Variants in BAZ2B observed in about 807,000 individuals in gnomAD.
BAZ2B encodes the protein bromodomain adjacent to zinc finger domain 2B.
BAZ2B carries 91 observed loss-of-function variants against 246.0 expected under a neutral mutation model. The ratio of observed to expected loss-of-function variants is 0.37; its 90% CI spans 0.31 to 0.44. The LOEUF is 0.44. BAZ2B is among the 20% of genes least tolerant of loss of function. The probability of loss-of-function intolerance (pLI) is 1.00; values close to 1 mark genes in which losing one functional copy is unlikely to be tolerated. For synonymous variants in BAZ2B, 855 were observed against 860.0 expected (o/e 0.99, Z 0.10); for missense variants, 2,332 against 2,533.7 (o/e 0.92, Z 1.71).
intron 8 of BAZ2B, chr2:159,435,632 G>C (rs1285971453): frequency 6.6e-6 from 1 of 152,340 alleles, no homozygotes; most frequent in Non-Finnish European, 1.5e-5. Flanking sequence ...GGGATTACAG[G>C]CGTGAGCCAC....
intron 1 of BAZ2B, among the ~76,000 whole-genome samples, chr2:159,576,917 A>AAC (rs1391169747): frequency 5.2e-5 from 7 of 135,492 alleles, no homozygotes; most frequent in Non-Finnish European, 1.1e-4. Context: ...TGTCTCAAAA[A>AAC]AAAAAAAAAA....
chr2:159,704,247 G>A, the BAZ2B span, among the ~76,000 whole-genome samples: 3 of 152,318 alleles, frequency 2.0e-5, no homozygotes, highest in East Asian at 3.9e-4. Context: ...CAAAAGTACA[G>A]ATGAGGTGTT....
Position 159,385,386 on chromosome 2 carries a change from T to A in BAZ2B, c.3472-17A>T. ...TGTTTTAGCCTATAAAAGTTTGGCA[T>A]TTTTATCAGTATTACTCACAACCAT... On this transcript the variant is annotated splice_polypyrimidine_tract_variant and intron_variant, in intron 22 of 36. Transcript: ENST00000392783. The A allele has an allele frequency of 6.3e-7, 1 of 1,597,000 alleles. No individual in the cohort carries two copies. Among genetic ancestry groups the A allele is most frequent in the African/African-American group, 1.3e-5 (1 of 74,550 alleles).
At chr2:159,456,906 G>A (rs1204272780) in intron 3 of BAZ2B, among the ~76,000 whole-genome samples, 1 of 152,112 alleles carries the variant, frequency 6.6e-6, no homozygotes, top group Non-Finnish European at 1.5e-5. Flanking sequence ...TTATACTAGA[G>A]AAGGGAAATA....
intron 13 of BAZ2B, among the ~76,000 whole-genome samples, chr2:159,426,807 C>T (rs2070001755): frequency 6.6e-6 from 1 of 151,994 alleles, no homozygotes; most frequent in African/African-American, 2.4e-5. Context: ...TCAAAATAAA[C>T]CTCTTACAGA....
intron 2 of BAZ2B, among the ~76,000 whole-genome samples, chr2:159,505,860 G>C (rs1559641867): frequency 6.6e-6 from 1 of 152,120 alleles, no homozygotes; most frequent in Non-Finnish European, 1.5e-5. Flanking sequence ...GACAATGAAA[G>C]ACTTGAAAAA....
chr2:159,695,016 T>C, the BAZ2B span: 2 of 152,204 alleles, frequency 1.3e-5, no homozygotes, highest in East Asian at 1.9e-4. Context: ...GCCATATTAG[T>C]GTGTGTGAAT....
At chr2:159,432,701 A>T in intron 9 of BAZ2B, 56 bp downstream of exon 9, 1 of 1,550,108 alleles carries the variant, frequency 6.5e-7, no homozygotes, top group Non-Finnish European at 8.7e-7. Flanking sequence ...ACCCTTTAAA[A>T]TGTTTGGTTC....
chr2:159,438,805 T>C lies in BAZ2B; in HGVS notation c.901-110A>G, dbSNP rs549878493. 4.5e-6 allele frequency: 6 copies of C among 1,318,836 alleles called. No individual in the cohort carries two copies. In the South Asian group the frequency reaches 8.8e-5, roughly 19 times the overall value. 81.7% of individuals were successfully genotyped at this position (1,318,836 alleles called of 1,614,324 possible). A position where few individuals can be genotyped will look rare whatever the true frequency, so the allele number is the denominator to read the frequency against. On this transcript the variant is annotated intron_variant, in intron 7 of 36. Transcript: ENST00000392783. Reference sequence around the variant, plus strand: ...TACTTTCAAAGTGTTCTTAATGCCTTATGATAATATCTAAAAATCTAAAAA... The same window carrying C: ...TACTTTCAAAGTGTTCTTAATGCCTCATGATAATATCTAAAAATCTAAAAA...
At chr2:159,323,982 A>C (rs1575587655) in intron 36 of BAZ2B, among the ~76,000 whole-genome samples, 1 of 152,168 alleles carries the variant, frequency 6.6e-6, no homozygotes, top group East Asian at 1.9e-4. Context: ...CTGTTATTTC[A>C]TCCTCCAAAG....
At chr2:159,665,024 T>C in the BAZ2B span, among the ~76,000 whole-genome samples, 2 of 148,678 alleles carry the variant, frequency 1.3e-5, no homozygotes, top group African/African-American at 4.9e-5. Context: ...AAAATCAATG[T>C]ACAAAAATCA....
chr2:159,389,560 A>G, intron 20 of BAZ2B, 75 bp from the exon 21 acceptor site: 1 of 1,280,520 alleles, frequency 7.8e-7, no homozygotes, highest in Non-Finnish European at 1.0e-6. Flanking sequence ...ATTATGTAGC[A>G]ACATTGAATT....
chr2:159,349,370 C>A, intron 28 of BAZ2B, 90 bp from the exon 29 acceptor site: 5 of 1,274,112 alleles, frequency 3.9e-6, no homozygotes, highest in Non-Finnish European at 5.3e-6. Flanking sequence ...TTTCAAATTC[C>A]AAAAAATATT....
At chr2:159,506,783 A>C (rs913617602) in intron 2 of BAZ2B, among the ~76,000 whole-genome samples, 2 of 152,228 alleles carry the variant, frequency 1.3e-5, no homozygotes, top group African/African-American at 4.8e-5. Flanking sequence ...TTGGGATCAC[A>C]AACAAATAAT....
intron 25 of BAZ2B, among the ~76,000 whole-genome samples, chr2:159,381,461 T>C (rs1340484047): frequency 2.0e-5 from 3 of 152,162 alleles, no homozygotes; most frequent in African/African-American, 4.8e-5. Context: ...AAATCAATCC[T>C]ACCACTCTAA....
chr2:159,612,025 C>T (rs1244212228), intron 1 of BAZ2B, among the ~76,000 whole-genome samples: 1 of 151,852 alleles, frequency 6.6e-6, no homozygotes. Context: ...TTTAGTATCA[C>T]ACATTTTAGT....
intron 27 of BAZ2B, among the ~76,000 whole-genome samples, 179 bp from the exon 28 acceptor site, chr2:159,350,536 CATAT>C (rs59292549): frequency 4.7e-5 from 7 of 148,690 alleles, no homozygotes; most frequent in African/African-American, 1.7e-4. Context: ...GGAAAATTAA[CATAT>C]ATATATATAT....
chr2:159,448,042 T>A (rs1437511092), intron 5 of BAZ2B, among the ~76,000 whole-genome samples, 200 bp downstream of exon 5: 1 of 152,102 alleles, frequency 6.6e-6, no homozygotes, highest in East Asian at 1.9e-4. Context: ...GAGGATTGCT[T>A]GAGCCCAGGA....
At chr2:159,441,740 C>T (rs183887996) in intron 6 of BAZ2B, among the ~76,000 whole-genome samples, 1 of 152,224 alleles carries the variant, frequency 6.6e-6, no homozygotes, top group East Asian at 1.9e-4. Flanking sequence ...GCCTTGAACT[C>T]CTGGGCTCAA....
Sources: gnomAD v4.1 joint callset for allele counts (sites outside exome capture counted in the v4.1 genomes callset) on GRCh38, gnomAD v4.1.1 for gene constraint, MANE v1.5 for transcripts, NCBI Gene and HGNC (gene_info 2026-07-23, HGNC 2026-07-21) for gene names.